GLIS3: variants seen among roughly 807,000 people sequenced by gnomAD.
GLIS3 encodes GLIS family zinc finger 3.
Under a neutral mutation model 78.6 loss-of-function variants are expected in GLIS3, and 53 were observed. That is an observed-to-expected ratio of 0.67 (90% CI 0.54 to 0.85). The LOEUF (loss-of-function observed/expected upper bound fraction) is 0.85, where lower values mean the gene tolerates loss of function less well. GLIS3 is among the 40% of genes least tolerant of loss of function. GLIS3 has a pLI of 0.00. For missense variants in GLIS3, 1,703 were observed against 1,231.1 expected, an observed-to-expected ratio of 1.38 and a Z score of -5.74; for synonymous variants, 684 against 509.9, an observed-to-expected ratio of 1.34 and a Z score of -4.60.
At chr9:4,178,329 T>G (rs1177876558) in intron 2 of GLIS3, among the ~76,000 whole-genome samples, 5 of 152,110 alleles carry the variant, frequency 3.3e-5, no homozygotes. Flanking sequence ...AAAGATATCC[T>G]GCAAAGGAGG....
intron 9 of GLIS3, among the ~76,000 whole-genome samples, chr9:3,851,000 C>T (rs1374502771): frequency 6.6e-6 from 1 of 152,200 alleles, no homozygotes; most frequent in African/African-American, 2.4e-5. Context: ...GCATATGTCA[C>T]AGTGCGTTGA....
At chr9:4,398,951 T>C in the GLIS3 span, among the ~76,000 whole-genome samples, 1 of 152,222 alleles carries the variant, frequency 6.6e-6, no homozygotes, top group East Asian at 1.9e-4. Context: ...CCTCTCAAAG[T>C]GCTAGGATTA....
intron 4 of GLIS3, among the ~76,000 whole-genome samples, chr9:3,994,080 C>G (rs983259030): frequency 1.3e-5 from 2 of 152,168 alleles, no homozygotes; most frequent in African/African-American, 2.4e-5. Flanking sequence ...ACCAAAGAAT[C>G]TGCATTTTTT....
At chr9:4,035,248 G>T (rs1243140567) in intron 4 of GLIS3, among the ~76,000 whole-genome samples, 1 of 152,052 alleles carries the variant, frequency 6.6e-6, no homozygotes, top group Admixed American at 6.6e-5. Flanking sequence ...AAAGCATTAA[G>T]ACTTGGATTA....
chr9:4,316,520 G>A (rs1035360267), intron 2 of GLIS3, among the ~76,000 whole-genome samples: 2 of 152,234 alleles, frequency 1.3e-5, no homozygotes, highest in African/African-American at 4.8e-5. Flanking sequence ...CAGATTCACT[G>A]TGTGGAGTGT....
At chr9:4,010,260 A>C (rs1221368428) in intron 4 of GLIS3, among the ~76,000 whole-genome samples, 1 of 152,230 alleles carries the variant, frequency 6.6e-6, no homozygotes, top group Non-Finnish European at 1.5e-5. Flanking sequence ...CACTTACTAG[A>C]CATATAACCT....
At chr9:3,941,746 A>G (rs1815937682) in intron 4 of GLIS3, among the ~76,000 whole-genome samples, 1 of 152,256 alleles carries the variant, frequency 6.6e-6, no homozygotes. Flanking sequence ...ACTTTGAGAG[A>G]GAGTTCTTTA....
chr9:4,184,939 T>G (rs986182447), intron 2 of GLIS3, among the ~76,000 whole-genome samples: 2 of 152,224 alleles, frequency 1.3e-5, no homozygotes, highest in African/African-American at 4.8e-5. Context: ...ACAGTCAATG[T>G]GTACTTTGTG....
intron 4 of GLIS3, among the ~76,000 whole-genome samples, chr9:4,076,119 C>G (rs1172208222): frequency 1.3e-5 from 2 of 152,170 alleles, no homozygotes; most frequent in East Asian, 1.9e-4. Context: ...TATTTACACT[C>G]TATTTAATGT....
intron 4 of GLIS3, among the ~76,000 whole-genome samples, chr9:4,036,984 G>T (rs186196796): frequency 6.6e-6 from 1 of 152,296 alleles, no homozygotes; most frequent in East Asian, 1.9e-4. Context: ...ATGGCAGAAA[G>T]AGAGCCAGAG....
the GLIS3 span, among the ~76,000 whole-genome samples, chr9:4,364,779 T>TTTTTTTTA: frequency 7.8e-6 from 1 of 128,364 alleles, no homozygotes; most frequent in Non-Finnish European, 1.6e-5. Flanking sequence ...TTTTTTTTTT[T>TTTTTTTTA]AAAGAGACAG....
chr9:4,165,924 G>A (rs111420303), intron 2 of GLIS3, among the ~76,000 whole-genome samples: 2 of 152,212 alleles, frequency 1.3e-5, no homozygotes, highest in South Asian at 2.1e-4. Context: ...GCAAACAAGG[G>A]AGAGAAAGTA....
At chr9:4,451,790 T>G in the GLIS3 span, among the ~76,000 whole-genome samples, 1 of 152,166 alleles carries the variant, frequency 6.6e-6, no homozygotes, top group East Asian at 1.9e-4. Context: ...AGATGTTCTT[T>G]GAAACCAATG....
chr9:4,322,769 T>C (rs1817553365), intron 2 of GLIS3, among the ~76,000 whole-genome samples: 1 of 152,242 alleles, frequency 6.6e-6, no homozygotes, highest in African/African-American at 2.4e-5. Flanking sequence ...TTTGATTTTT[T>C]CTTGTAAATT....
intron 4 of GLIS3, among the ~76,000 whole-genome samples, chr9:3,987,710 AAAAAG>A (rs748359869): frequency 6.7e-5 from 10 of 148,520 alleles, no homozygotes; most frequent in African/African-American, 2.2e-4. Flanking sequence ...AAAAAAAAAG[AAAAAG>A]AAAAGAAAAG....
intron 4 of GLIS3, among the ~76,000 whole-genome samples, chr9:4,067,798 T>C (rs1827227946): frequency 1.2e-5 from 1 of 83,046 alleles, no homozygotes; most frequent in Admixed American, 1.5e-4. Flanking sequence ...CCATGAACAT[T>C]AGAGCAAAAA....
chr9:4,450,751 C>T, the GLIS3 span, among the ~76,000 whole-genome samples: 1 of 152,128 alleles, frequency 6.6e-6, no homozygotes, highest in Non-Finnish European at 1.5e-5. Context: ...CCAAACTAAG[C>T]TTCACAAGTG....
chr9:3,927,036 T>C (rs146935973), intron 6 of GLIS3, among the ~76,000 whole-genome samples: 1 of 152,388 alleles, frequency 6.6e-6, no homozygotes, highest in African/African-American at 2.4e-5. Flanking sequence ...TTAACATCCG[T>C]ATCAGTTCCC....
the GLIS3 span, among the ~76,000 whole-genome samples, chr9:4,385,174 G>A: frequency 1.3e-5 from 2 of 152,216 alleles, no homozygotes; most frequent in Non-Finnish European, 2.9e-5. Context: ...GTTGCAGTGT[G>A]CCTGCAGGAC....
Sources: allele counts gnomAD v4.1 joint callset (sites outside exome capture counted in the v4.1 genomes callset), GRCh38; gene constraint gnomAD v4.1.1; transcripts MANE v1.5; gene names NCBI Gene and HGNC (gene_info 2026-07-23, HGNC 2026-07-21).